The following MIPOL1 variants were observed in gnomAD, a reference collection of about 807,000 sequenced individuals.
The protein encoded by MIPOL1 is mirror-image polydactyly 1.
MIPOL1 carries 57 observed loss-of-function variants against 60.9 expected under a neutral mutation model. The ratio of observed to expected loss-of-function variants is 0.94; its 90% CI spans 0.76 to 1.17. The LOEUF is 1.17. Ranked by LOEUF, MIPOL1 falls within the 50% of genes most tolerant of loss-of-function variation. The pLI, the probability that MIPOL1 is intolerant of heterozygous loss-of-function variation, is 0.00. For synonymous variants in MIPOL1, 179 were observed against 168.8 expected (o/e 1.06, Z -0.47); for missense variants, 551 against 511.6 (o/e 1.08, Z -0.74).
chr14:37,491,522 C>G (rs1045527437), intron 11 of MIPOL1, among the ~76,000 whole-genome samples: 1 of 152,148 alleles, frequency 6.6e-6, no homozygotes, highest in Non-Finnish European at 1.5e-5. Context: ...GAGCAAGACT[C>G]TGTCTCAAAA....
intron 1 of MIPOL1, among the ~76,000 whole-genome samples, chr14:37,214,163 G>T (rs186190983): frequency 2.0e-5 from 3 of 151,688 alleles, no homozygotes; most frequent in Admixed American, 1.3e-4. Flanking sequence ...ATAGTAGACA[G>T]AAAACCACAG....
rs535106228 is a variant in MIPOL1 at position 37,488,608 on chromosome 14, A to C, written c.1032-11300A>C. On this transcript the variant is annotated intron_variant, in intron 11 of 12. Transcript: ENST00000684589. ...TTTGTCCTGTACAAGTGCTTCGTAC[A>C]GGAGCTCTTGTGAGGCACACCTGGT... Among the ~76,000 whole-genome samples, 6 of 152,094 alleles carry C rather than the reference A, an allele frequency of 3.9e-5. No homozygotes were observed. The East Asian group carries it at 1.2e-3, about 29-fold the overall frequency.
intron 1 of MIPOL1, among the ~76,000 whole-genome samples, chr14:37,210,637 G>A (rs1359337595): frequency 2.6e-5 from 4 of 152,124 alleles, no homozygotes; most frequent in Non-Finnish European, 5.9e-5. Context: ...TGATGAAATA[G>A]GGATATGGAG....
intron 1 of MIPOL1, among the ~76,000 whole-genome samples, chr14:37,231,598 G>T (rs1010607245): frequency 1.3e-5 from 2 of 152,032 alleles, no homozygotes; most frequent in Non-Finnish European, 2.9e-5. Flanking sequence ...AGGTGTGTTT[G>T]TTCTCAAACC....
intron 12 of MIPOL1, among the ~76,000 whole-genome samples, chr14:37,533,410 A>G (rs777040988): frequency 8.5e-5 from 13 of 152,218 alleles, no homozygotes; most frequent in Non-Finnish European, 1.9e-4. Context: ...ATATTTAAGA[A>G]GGAAACAACT....
chr14:37,493,404 C>G (rs989078130), intron 11 of MIPOL1, among the ~76,000 whole-genome samples: 1 of 152,032 alleles, frequency 6.6e-6, no homozygotes, highest in African/African-American at 2.4e-5. Context: ...GGAAAATAGT[C>G]AGGGCCACAG....
At chr14:37,256,186 C>A (rs1974891843) in intron 3 of MIPOL1, among the ~76,000 whole-genome samples, 1 of 151,776 alleles carries the variant, frequency 6.6e-6, no homozygotes, top group Non-Finnish European at 1.5e-5. Context: ...TAATGTTCTC[C>A]CCACTCCAGA....
chr14:37,267,945 C>T (rs1485162524), intron 4 of MIPOL1, among the ~76,000 whole-genome samples: 1 of 152,120 alleles, frequency 6.6e-6, no homozygotes, highest in Non-Finnish European at 1.5e-5. Flanking sequence ...TTTACTTTCT[C>T]AGCTTTTACC....
chr14:37,290,574 C>T (rs562906420), intron 7 of MIPOL1, among the ~76,000 whole-genome samples: 2 of 152,232 alleles, frequency 1.3e-5, no homozygotes, highest in African/African-American at 4.8e-5. Flanking sequence ...CTGAAGGAGT[C>T]ATCCTTTATT....
At chr14:37,200,664 GTTTT>G (rs559596328) in intron 1 of MIPOL1, among the ~76,000 whole-genome samples, 1 of 111,222 alleles carries the variant, frequency 9.0e-6, no homozygotes, top group African/African-American at 3.4e-5. Flanking sequence ...TTCCCAGTTA[GTTTT>G]TTTTTTTTTT....
intron 1 of MIPOL1, among the ~76,000 whole-genome samples, chr14:37,230,639 A>C (rs28721983): frequency 0.017 from 2,604 of 152,316 alleles, 64 homozygotes; most frequent in African/African-American, 0.058. Flanking sequence ...TTTTGGTCAG[A>C]ATCTTGGTTA....
chr14:37,252,608 C>T (rs1974291828), intron 3 of MIPOL1, among the ~76,000 whole-genome samples: 1 of 151,746 alleles, frequency 6.6e-6, no homozygotes, highest in Admixed American at 6.6e-5. Flanking sequence ...GTTTATTTGT[C>T]CTTGGCATTT....
chr14:37,535,131 G>A (rs958340606), intron 12 of MIPOL1, among the ~76,000 whole-genome samples: 4 of 151,966 alleles, frequency 2.6e-5, no homozygotes, highest in African/African-American at 9.7e-5. Flanking sequence ...TATATCCAAC[G>A]TTTATGTTTA....
chr14:37,357,026 G>A (rs975569886), intron 9 of MIPOL1, among the ~76,000 whole-genome samples: 1 of 152,162 alleles, frequency 6.6e-6, no homozygotes, highest in Admixed American at 6.5e-5. Context: ...CACTTAGGGT[G>A]CTTCCAAATA....
chr14:37,385,163 T>C (rs369300482), intron 10 of MIPOL1, among the ~76,000 whole-genome samples: 1 of 152,078 alleles, frequency 6.6e-6, no homozygotes, highest in Non-Finnish European at 1.5e-5. Context: ...AAGAAACTGC[T>C]GTAAAATATG....
At chr14:37,417,145 G>T (rs1201747051) in intron 10 of MIPOL1, among the ~76,000 whole-genome samples, 2 of 152,026 alleles carry the variant, frequency 1.3e-5, no homozygotes, top group African/African-American at 2.4e-5. Context: ...CAGCCTTTCT[G>T]GTTCCATAGA....
chr14:37,487,720 TTC>T (rs1465723884), intron 11 of MIPOL1, among the ~76,000 whole-genome samples: 2 of 152,220 alleles, frequency 1.3e-5, no homozygotes, highest in Non-Finnish European at 2.9e-5. Flanking sequence ...TATTTGTTTC[TTC>T]TCTTTTTTCT....
At chr14:37,497,168 G>T (rs1031676569) in intron 11 of MIPOL1, among the ~76,000 whole-genome samples, 40 of 152,146 alleles carry the variant, frequency 2.6e-4, no homozygotes, top group East Asian at 2.1e-3. Context: ...GACTTAAACG[G>T]TAGACCTAAA....
At chr14:37,399,346 T>C (rs2093437918) in intron 10 of MIPOL1, among the ~76,000 whole-genome samples, 1 of 152,190 alleles carries the variant, frequency 6.6e-6, no homozygotes, top group African/African-American at 2.4e-5. Flanking sequence ...GTATATGCTT[T>C]CACATCTCCT....
Sources: allele counts gnomAD v4.1 joint callset (sites outside exome capture counted in the v4.1 genomes callset), GRCh38; gene constraint gnomAD v4.1.1; transcripts MANE v1.5; gene names NCBI Gene and HGNC (gene_info 2026-07-23, HGNC 2026-07-21).